Variants in TASOR observed in about 807,000 individuals in gnomAD.
TASOR encodes the protein transcription activation suppressor.
In TASOR, 53 loss-of-function variants were observed where a neutral mutation model predicts 178.6. That is an observed-to-expected ratio of 0.30 (90% confidence interval 0.24 to 0.37). The LOEUF (loss-of-function observed/expected upper bound fraction) is 0.37, where lower values mean the gene tolerates loss of function less well. Among genes scored for constraint, TASOR ranks in the 10% least tolerant of loss-of-function variants. The probability of loss-of-function intolerance (pLI) is 1.00; values close to 1 mark genes in which losing one functional copy is unlikely to be tolerated. For synonymous variants in TASOR, 713 were observed against 696.2 expected, an observed-to-expected ratio of 1.02 and a Z score of -0.38; for missense variants, 1,815 against 1,971.4, an observed-to-expected ratio of 0.92 and a Z score of 1.50.
intron 17 of TASOR, among the ~76,000 whole-genome samples, chr3:56,635,562 A>G (rs1033271020): frequency 2.6e-5 from 4 of 152,230 alleles, no homozygotes; most frequent in African/African-American, 9.7e-5. Context: ...ATCATGTCAA[A>G]TATCTGATAT....
chr3:56,683,021 G>A lies in TASOR; in HGVS notation c.-15C>T, dbSNP rs996475070. ...GCAGTCGCCATCGCGCCGGCCTAAGGAGCTCTGGGAAGCTTCTGCCCACAA... is the reference window on the plus strand; with the variant it reads ...GCAGTCGCCATCGCGCCGGCCTAAGAAGCTCTGGGAAGCTTCTGCCCACAA... On this transcript the variant is annotated 5_prime_UTR_variant, in exon 1 of 24. Transcript: ENST00000683822. 8 of 1,516,220 alleles carry A rather than the reference G, an allele frequency of 5.3e-6. No homozygotes were observed. Among genetic ancestry groups the A allele is most frequent in the African/African-American group, 1.4e-5 (1 of 71,570 alleles). The allele number at this position is 1,516,220 out of a possible 1,614,324, so 93.9% of individuals were successfully genotyped here.
Position 56,633,838 on chromosome 3 carries a change from G to A in TASOR, c.2953C>T (p.Leu985=), listed in dbSNP as rs750956940. 7 of 1,613,842 alleles carry A rather than the reference G, an allele frequency of 4.3e-6. No homozygotes were observed. Among genetic ancestry groups the A allele is most frequent in the Non-Finnish European group, 5.1e-6 (6 of 1,179,958 alleles). ...ACGTCATCCTCAGTGGTGCCCTTTA[G>A]TGTGTCTGTAAATGGAGAGGATGGA... ...QFPSSPFTDT[L]KGTTEDDVLT... The change falls in exon 18 of 24, where the codon CTA becomes TTA. Residue 985 remains leucine, a synonymous_variant. Coordinates refer to ENST00000683822, the MANE Select transcript of TASOR (RefSeq NM_001365635.2).
chr3:56,678,883 T>C (rs2031553340), intron 1 of TASOR, among the ~76,000 whole-genome samples: 1 of 151,878 alleles, frequency 6.6e-6, no homozygotes, highest in African/African-American at 2.4e-5. Context: ...TGGTGGCACA[T>C]GCCTGTAATC....
intron 17 of TASOR, among the ~76,000 whole-genome samples, chr3:56,634,465 G>C (rs747330446): frequency 1.4e-4 from 21 of 152,152 alleles, no homozygotes; most frequent in Non-Finnish European, 2.6e-4. Context: ...TTGCATCTAG[G>C]ATCTAGGATA....
At position 56,630,563 on chromosome 3, in the gene TASOR, G is replaced by C. The variant is rs568571383; in HGVS notation, c.3748-1949C>G. Among the ~76,000 whole-genome samples, 3 of 152,278 alleles carry C rather than the reference G, an allele frequency of 2.0e-5. No homozygotes were observed. The East Asian group carries it at 5.8e-4, about 29-fold the overall frequency. ...CTATCCCCTTAATCTAAATGTAACG[G>C]CTGGGTGCGATGGCTCACGCCTGTA... On this transcript the variant is annotated intron_variant, in intron 18 of 23. Transcript: ENST00000683822.
intron 11 of TASOR, among the ~76,000 whole-genome samples, chr3:56,653,127 G>T (rs1295096770): frequency 6.6e-6 from 1 of 151,876 alleles, no homozygotes; most frequent in African/African-American, 2.4e-5. Flanking sequence ...GCCAGGTGTG[G>T]TGGCACACAC....
intron 1 of TASOR, among the ~76,000 whole-genome samples, chr3:56,673,931 C>T (rs1217154426): frequency 6.6e-6 from 1 of 152,100 alleles, no homozygotes; most frequent in Non-Finnish European, 1.5e-5. Context: ...GTTCCTTCAA[C>T]AATGAGGATC....
intron 5 of TASOR, among the ~76,000 whole-genome samples, chr3:56,669,318 A>G (rs1215481517): frequency 6.6e-6 from 1 of 152,122 alleles, no homozygotes; most frequent in Non-Finnish European, 1.5e-5. Flanking sequence ...CCTGGCTAAC[A>G]CGGTGAAAAC....
chr3:56,654,495 A>G (rs2077428080), intron 11 of TASOR, among the ~76,000 whole-genome samples: 1 of 152,100 alleles, frequency 6.6e-6, no homozygotes, highest in Admixed American at 6.5e-5. Context: ...TACAGAATAA[A>G]TACCATGTGT....
Position 56,641,762 on chromosome 3 carries a change from A to C in TASOR, c.2216-10T>G, listed in dbSNP as rs759729773. ...ATAGGCTGTGGAGACTCTGAGAAAA[A>C]GGAAGTCATTGGTTGAAGTTAAGTT... On this transcript the variant is annotated splice_polypyrimidine_tract_variant and intron_variant, in intron 14 of 23. Transcript: ENST00000683822. 6.3e-7 allele frequency: 1 copy of C among 1,583,142 alleles called. No individual in the cohort carries two copies. Among genetic ancestry groups the C allele is most frequent in the East Asian group, 2.3e-5 (1 of 44,398 alleles).
rs1162442539 is a variant in TASOR at position 56,682,941 on chromosome 3, G to A, written c.66C>T (p.Gly22=). The A allele has an allele frequency of 3.9e-6, 6 of 1,549,468 alleles. No homozygotes were observed. The highest frequency in any genetic ancestry group is 5.2e-6 in the Non-Finnish European group (6 of 1,146,552). ...GCGCCTGCTTCATCTCGTCGTCTCC[G>A]CCGCCGCCACTTTCCCAACTCGCAT... The part of the protein sequence containing the change: ...PTDASWESGG[G]GDDEMKQALP... Residue 22 remains glycine, a synonymous_variant, in exon 1 of 24, where the codon GGC becomes GGT. Transcript: ENST00000683822.
rs1177860716 is a variant in TASOR at position 56,621,441 on chromosome 3, G to A, written c.*1596C>T. On this transcript the variant is annotated 3_prime_UTR_variant, in exon 24 of 24. Transcript: ENST00000683822. ...GACAAAATTTTATCCTAAGCGATATGTTTTCCAAGTGAATATAATTCTAGT... is the reference window on the plus strand; with the variant it reads ...GACAAAATTTTATCCTAAGCGATATATTTTCCAAGTGAATATAATTCTAGT... 3.3e-6 allele frequency: 3 copies of A among 901,500 alleles called. No individual in the cohort carries two copies. The highest frequency in any genetic ancestry group is 4.9e-6 in the Non-Finnish European group (3 of 606,698). 55.8% of individuals were successfully genotyped at this position (901,500 alleles called of 1,614,324 possible).
rs1235646896 is a variant in TASOR at position 56,620,737 on chromosome 3, A to C, written c.*2300T>G. On this transcript the variant is annotated 3_prime_UTR_variant, in exon 24 of 24. Transcript: ENST00000683822. ...TTACTTCTTGCTTAGTGGAGACAAAAATTGTGAGATAAAGAGGAAGGAATA... is the reference window on the plus strand; with the variant it reads ...TTACTTCTTGCTTAGTGGAGACAAACATTGTGAGATAAAGAGGAAGGAATA... 3 of 152,208 alleles carry C rather than the reference A, an allele frequency of 2.0e-5. No individual in the cohort carries two copies. Among genetic ancestry groups the C allele is most frequent in the African/African-American group, 7.2e-5 (3 of 41,422 alleles). The allele number at this position is 152,208 out of a possible 1,614,324, so 9.4% of individuals were successfully genotyped here.
intron 11 of TASOR, among the ~76,000 whole-genome samples, chr3:56,658,800 G>C (rs866812879): frequency 4.7e-4 from 72 of 152,036 alleles, no homozygotes; most frequent in African/African-American, 1.7e-3. Context: ...CCAGCTACTC[G>C]AGAAGCTGAG....
At chr3:56,638,869 T>C (rs1476360975) in intron 16 of TASOR, 104 bp from the exon 17 acceptor site, 1 of 1,101,558 alleles carries the variant, frequency 9.1e-7, no homozygotes, top group African/African-American at 1.5e-5. Context: ...TTCCTTCTTC[T>C]GCCTAAAATA....
rs988695852 is a variant in TASOR at position 56,661,162 on chromosome 3, C to T, written c.1161-145G>A. ...ACCTTATTCTAAAGATCTTTTGTTT[C>T]GTTTGTGACAGTCTCACTCTGTCAC... On this transcript the variant is annotated intron_variant, in intron 9 of 23. Coordinates refer to ENST00000683822, the MANE Select transcript of TASOR (RefSeq NM_001365635.2). 3.1e-5 allele frequency: 19 copies of T among 618,762 alleles called. 1 individual carries two copies. The highest frequency in any genetic ancestry group is 5.9e-5 in the Admixed American group (2 of 33,876). 38.3% of individuals were successfully genotyped at this position (618,762 alleles called of 1,614,324 possible). A position where few individuals can be genotyped will look rare whatever the true frequency, so the allele number is the denominator to read the frequency against.
intron 1 of TASOR, among the ~76,000 whole-genome samples, chr3:56,675,467 G>A (rs1368524353): frequency 7.2e-5 from 11 of 152,126 alleles, no homozygotes; most frequent in African/African-American, 1.7e-4. Flanking sequence ...ATGAGCCACC[G>A]TGCCCGGTCC....
intron 11 of TASOR, among the ~76,000 whole-genome samples, chr3:56,656,001 A>G (rs1219168767): frequency 6.6e-6 from 1 of 152,174 alleles, no homozygotes; most frequent in Non-Finnish European, 1.5e-5. Context: ...CTAATTTAAA[A>G]CTTATTAATT....
At chr3:56,651,342 A>G (rs188273790) in intron 11 of TASOR, among the ~76,000 whole-genome samples, 141 of 152,178 alleles carry the variant, frequency 9.3e-4, no homozygotes, top group Non-Finnish European at 1.9e-4. Flanking sequence ...AAATTTCCAG[A>G]TAACATTAAA....
Sources: allele counts gnomAD v4.1 joint callset (sites outside exome capture counted in the v4.1 genomes callset), GRCh38; gene constraint gnomAD v4.1.1; transcripts MANE v1.5; gene names NCBI Gene and HGNC (gene_info 2026-07-23, HGNC 2026-07-21).